The following GTF2IRD1 variants were observed in gnomAD, a reference collection of about 807,000 sequenced individuals.
The protein encoded by GTF2IRD1 is GTF2I repeat domain containing 1, also known as general transcription factor II-I repeat domain-containing protein 1.
Under a neutral mutation model 113.2 loss-of-function variants are expected in GTF2IRD1, and 26 were observed. The observed-to-expected ratio is 0.23, with a 90% CI of 0.17 to 0.32. The LOEUF (loss-of-function observed/expected upper bound fraction) is 0.32, where lower values mean the gene tolerates loss of function less well. Among genes scored for constraint, GTF2IRD1 ranks in the 10% least tolerant of loss-of-function variants. GTF2IRD1 has a pLI of 1.00. For missense variants in GTF2IRD1, 864 were observed against 1,280.8 expected, an observed-to-expected ratio of 0.67 and a Z score of 4.97; for synonymous variants, 484 against 529.1, an observed-to-expected ratio of 0.91 and a Z score of 1.17.
At chr7:74,562,238 A>C (rs1181143933) in intron 22 of GTF2IRD1, among the ~76,000 whole-genome samples, 1 of 152,250 alleles carries the variant, frequency 6.6e-6, no homozygotes, top group East Asian at 1.9e-4. Flanking sequence ...TGGGGGAGGC[A>C]GGGGAAATAG....
At chr7:74,538,025 T>G (rs1222034383) in intron 11 of GTF2IRD1, 111 bp from the exon 12 acceptor site, 1 of 937,246 alleles carries the variant, frequency 1.1e-6, no homozygotes, top group Non-Finnish European at 1.7e-6. Flanking sequence ...GGGACAGGGA[T>G]GCCTTCTGCA....
rs527276736 is a variant in GTF2IRD1, at chr7:74,500,204, T to G, written c.-6-7871T>G. On this transcript the variant is annotated intron_variant, in intron 1 of 26. Transcript: ENST00000424337. ...CTTGAACCGCTGCCACAAATGACCTTGAGCAGCACGCTTCCCCTCCCGAGC... is the reference window on the plus strand; with the variant it reads ...CTTGAACCGCTGCCACAAATGACCTGGAGCAGCACGCTTCCCCTCCCGAGC... Among the ~76,000 whole-genome samples the G allele has an allele frequency of 1.5e-3, 230 of 152,262 alleles. 1 individual carries two copies. Among genetic ancestry groups the G allele is most frequent in the South Asian group, 5.8e-3 (28 of 4,826 alleles).
chr7:74,500,674 C>T lies in GTF2IRD1; in HGVS notation c.-6-7401C>T, dbSNP rs1023366389. Among the ~76,000 whole-genome samples, 6 of 152,072 alleles carry T rather than the reference C, an allele frequency of 3.9e-5. No homozygotes were observed. The East Asian group carries it at 7.7e-4, about 20-fold the overall frequency. ...CTTTTCTGTCTCATACACGCACACCCGTCGCATTTGCATGCTCTGACACAC... is the reference window on the plus strand; with the variant it reads ...CTTTTCTGTCTCATACACGCACACCTGTCGCATTTGCATGCTCTGACACAC... On this transcript the variant is annotated intron_variant, in intron 1 of 26. Transcript: ENST00000424337.
chr7:74,464,309 G>A (rs1011302906), intron 1 of GTF2IRD1, among the ~76,000 whole-genome samples: 7 of 152,228 alleles, frequency 4.6e-5, no homozygotes, highest in Admixed American at 2.0e-4. Flanking sequence ...GCAAGAGTTT[G>A]TCAGTTTCCC....
chr7:74,578,871 T>C (rs1801241802), intron 22 of GTF2IRD1, among the ~76,000 whole-genome samples: 1 of 151,738 alleles, frequency 6.6e-6, no homozygotes, highest in Non-Finnish European at 1.5e-5. Flanking sequence ...GGTGGCATGC[T>C]TGCTATTCAA....
chr7:74,556,973 G>T (rs587715673), intron 19 of GTF2IRD1, among the ~76,000 whole-genome samples: 99 of 152,124 alleles, frequency 6.5e-4, no homozygotes, highest in Non-Finnish European at 2.1e-4. Flanking sequence ...TGTCTTGGTG[G>T]CTCATGCCTG....
At position 74,545,855 on chromosome 7, in the gene GTF2IRD1, C is replaced by T. The variant is rs781785619; in HGVS notation, c.1732+46C>T. The T allele has an allele frequency of 3.3e-5, 47 of 1,411,722 alleles. No homozygotes were observed. In the Middle Eastern group the frequency reaches 8.9e-4, roughly 27 times the overall value. The allele number at this position is 1,411,722 out of a possible 1,614,324, so 87.4% of individuals were successfully genotyped here. A position where few individuals can be genotyped will look rare whatever the true frequency, so the allele number is the denominator to read the frequency against. On this transcript the variant is annotated intron_variant, in intron 16 of 26. Transcript: ENST00000424337. ...GGTCTGGGGGCATCCCGGCCCCCCT[C>T]CAGCCGCCCTGTTTGCAGAAGGGCT...
chr7:74,510,787 G>C (rs782260079), intron 2 of GTF2IRD1, among the ~76,000 whole-genome samples: 1 of 151,920 alleles, frequency 6.6e-6, no homozygotes, highest in African/African-American at 2.4e-5. Context: ...AATGGCTCAC[G>C]CATATAATCC....
At chr7:74,583,444 A>C (rs1211807307) in intron 22 of GTF2IRD1, among the ~76,000 whole-genome samples, 1 of 136,708 alleles carries the variant, frequency 7.3e-6, no homozygotes, top group African/African-American at 2.8e-5. Flanking sequence ...TCGTGGCCTC[A>C]GTCTCCCAAA....
intron 1 of GTF2IRD1, among the ~76,000 whole-genome samples, chr7:74,504,084 T>G (rs1554340314): frequency 6.6e-6 from 1 of 152,162 alleles, no homozygotes; most frequent in Admixed American, 6.5e-5. Flanking sequence ...GCAAAGGACA[T>G]GATTTTGTTC....
chr7:74,524,808 T>C (rs1368637394), intron 8 of GTF2IRD1, among the ~76,000 whole-genome samples: 1 of 152,180 alleles, frequency 6.6e-6, no homozygotes, highest in Non-Finnish European at 1.5e-5. Context: ...CAGGTTGCAG[T>C]GAGTCGAGAT....
At chr7:74,549,378 CAGGAGAATAGATAGTTCT>C (rs1554354260) in intron 17 of GTF2IRD1, among the ~76,000 whole-genome samples, 1 of 151,984 alleles carries the variant, frequency 6.6e-6, no homozygotes, top group East Asian at 1.9e-4. Context: ...TTTGTTCCTC[CAGGAGAATAGATAGTTCT>C]CAAACTGGGA....
chr7:74,565,651 C>T (rs1255334551), intron 22 of GTF2IRD1, among the ~76,000 whole-genome samples: 4 of 151,886 alleles, frequency 2.6e-5, no homozygotes, highest in African/African-American at 7.2e-5. Context: ...ATATTCCATC[C>T]GAAGAACATT....
chr7:74,472,606 G>T (rs1181764953), intron 1 of GTF2IRD1, among the ~76,000 whole-genome samples: 1 of 152,114 alleles, frequency 6.6e-6, no homozygotes, highest in Non-Finnish European at 1.5e-5. Flanking sequence ...AAAAAATTTA[G>T]CCAGGCATGG....
chr7:74,542,219 C>T (rs1416928011), intron 14 of GTF2IRD1, among the ~76,000 whole-genome samples: 1 of 151,874 alleles, frequency 6.6e-6, no homozygotes, highest in Admixed American at 6.6e-5. Flanking sequence ...CCTAGTGAAA[C>T]CCCATCTCTG....
At position 74,529,765 on chromosome 7, in the gene GTF2IRD1, C is replaced by T. The variant is rs61744518; in HGVS notation, c.1122C>T (p.Pro374=). Residue 374 remains proline, a synonymous_variant, in exon 9 of 27, where the codon CCC becomes CCT. Transcript: ENST00000424337. ...CCCTGGGCCTGGACCACATGGTCCC[C>T]GTGCCCTACCGGAAGATTGCCTGTG... ...AEALGLDHMV[P]VPYRKIACDP... The T allele has an allele frequency of 0.025, 40,167 of 1,613,932 alleles. 695 individuals are homozygous for T. The highest frequency in any genetic ancestry group is 0.066 in the East Asian group (2,958 of 44,860).
At chr7:74,576,290 G>T (rs1410555852) in intron 22 of GTF2IRD1, among the ~76,000 whole-genome samples, 5 of 152,086 alleles carry the variant, frequency 3.3e-5, no homozygotes, top group Admixed American at 2.6e-4. Context: ...GCCAGGTGCA[G>T]TGGCTCACGA....
chr7:74,583,373 T>TC (rs1164917413), intron 22 of GTF2IRD1, among the ~76,000 whole-genome samples: 6 of 104,698 alleles, frequency 5.7e-5, no homozygotes, highest in African/African-American at 2.5e-4. Context: ...TTTTTTTTCT[T>TC]TTTTTTTTTT....
At chr7:74,585,624 G>T (rs1328616151) in intron 22 of GTF2IRD1, among the ~76,000 whole-genome samples, 2 of 152,012 alleles carry the variant, frequency 1.3e-5, no homozygotes, top group African/African-American at 4.8e-5. Flanking sequence ...GTTCACGTCT[G>T]TAATCCCAGC....
Sources: gnomAD v4.1 joint callset for allele counts (sites outside exome capture counted in the v4.1 genomes callset) on GRCh38, gnomAD v4.1.1 for gene constraint, MANE v1.5 for transcripts, NCBI Gene and HGNC (gene_info 2026-07-23, HGNC 2026-07-21) for gene names.